The following PALM2AKAP2 variants were observed in gnomAD, a reference collection of about 807,000 sequenced individuals.
The protein encoded by PALM2AKAP2 is PALM2 and AKAP2 fusion.
In PALM2AKAP2, 37 loss-of-function variants were observed where a neutral mutation model predicts 71.5. The observed-to-expected ratio is 0.52, with a 90% confidence interval of 0.40 to 0.68. The LOEUF is 0.68. Among genes scored for constraint, PALM2AKAP2 ranks in the 30% least tolerant of loss-of-function variants. The probability of loss-of-function intolerance (pLI) is 0.00; values close to 1 mark genes in which losing one functional copy is unlikely to be tolerated. For missense variants in PALM2AKAP2, 1,224 were observed against 1,191.8 expected, an observed-to-expected ratio of 1.03 and a Z score of -0.40; for synonymous variants, 468 against 478.8, an observed-to-expected ratio of 0.98 and a Z score of 0.29.
chr9:109,655,699 G>A (rs954938987), intron 1 of PALM2AKAP2, among the ~76,000 whole-genome samples: 4 of 151,160 alleles, frequency 2.6e-5, no homozygotes, highest in Admixed American at 6.6e-5. Flanking sequence ...TTATTCTTTT[G>A]TGTCTGGATA....
At chr9:109,805,606 A>G (rs190886034) in intron 1 of PALM2AKAP2, among the ~76,000 whole-genome samples, 4 of 152,314 alleles carry the variant, frequency 2.6e-5, no homozygotes, top group Admixed American at 2.6e-4. Context: ...GCAGCTGTCA[A>G]TGCAAGATAA....
chr9:110,080,107 G>A (rs1834416600), intron 1 of PALM2AKAP2, among the ~76,000 whole-genome samples: 1 of 148,910 alleles, frequency 6.7e-6, no homozygotes, highest in African/African-American at 2.5e-5. Context: ...AGAAGATTAA[G>A]GATCCCTATC....
chr9:109,709,273 C>A (rs1242118627), intron 1 of PALM2AKAP2, among the ~76,000 whole-genome samples: 2 of 152,220 alleles, frequency 1.3e-5, no homozygotes, highest in East Asian at 3.9e-4. Flanking sequence ...GTCAAATCCC[C>A]TTGTAAGGCC....
chr9:109,710,240 G>A (rs956112424), intron 1 of PALM2AKAP2, among the ~76,000 whole-genome samples: 1 of 152,218 alleles, frequency 6.6e-6, no homozygotes, highest in Admixed American at 6.5e-5. Context: ...TGGTCAGTTT[G>A]TGGTAATTTG....
chr9:110,039,740 G>A (rs754256131), intron 7 of PALM2AKAP2, among the ~76,000 whole-genome samples: 3 of 152,128 alleles, frequency 2.0e-5, no homozygotes, highest in Non-Finnish European at 4.4e-5. Context: ...CACAGTTCTC[G>A]TCTAGGTGCT....
intron 1 of PALM2AKAP2, among the ~76,000 whole-genome samples, chr9:109,694,379 C>G (rs900698252): frequency 5.9e-5 from 9 of 151,946 alleles, no homozygotes; most frequent in Non-Finnish European, 1.3e-4. Flanking sequence ...AATACTAACC[C>G]ACTTCATTTG....
intron 1 of PALM2AKAP2, among the ~76,000 whole-genome samples, chr9:109,833,126 G>A (rs1828356195): frequency 6.6e-6 from 1 of 152,174 alleles, no homozygotes; most frequent in African/African-American, 2.4e-5. Flanking sequence ...GGAGGCCGAG[G>A]CAGGTGGATC....
At chr9:109,990,703 C>T (rs1832464210) in intron 6 of PALM2AKAP2, among the ~76,000 whole-genome samples, 2 of 152,244 alleles carry the variant, frequency 1.3e-5, no homozygotes, top group South Asian at 4.1e-4. Flanking sequence ...CAATAGGCAT[C>T]AGACCAAAGC....
chr9:110,091,564 G>C (rs568399261), intron 1 of PALM2AKAP2, among the ~76,000 whole-genome samples: 1 of 145,948 alleles, frequency 6.9e-6, no homozygotes, highest in South Asian at 2.2e-4. Context: ...CCGGGTTCAT[G>C]CCATTCTCCT....
chr9:109,813,749 C>G (rs2131454066), intron 1 of PALM2AKAP2, among the ~76,000 whole-genome samples: 1 of 152,270 alleles, frequency 6.6e-6, no homozygotes. Context: ...TTAGGAAGAA[C>G]TAAGAGCCTA....
At chr9:110,118,630 C>T (rs1835418766) in intron 1 of PALM2AKAP2, among the ~76,000 whole-genome samples, 1 of 152,188 alleles carries the variant, frequency 6.6e-6, no homozygotes, top group Admixed American at 6.5e-5. Context: ...TTAGTGCTTT[C>T]CCACCTGTCT....
intron 1 of PALM2AKAP2, among the ~76,000 whole-genome samples, chr9:109,781,169 C>T (rs1226384315): frequency 6.6e-6 from 1 of 152,164 alleles, no homozygotes; most frequent in African/African-American, 2.4e-5. Context: ...TTTCAGCCTA[C>T]AAAGGAGTAG....
chr9:110,041,457 A>T (rs1833511372), intron 7 of PALM2AKAP2, among the ~76,000 whole-genome samples: 1 of 152,092 alleles, frequency 6.6e-6, no homozygotes, highest in African/African-American at 2.4e-5. Context: ...GGGTTTTGGA[A>T]TGTTTCTTAT....
At chr9:110,102,019 T>TC (rs1835012073) in intron 1 of PALM2AKAP2, among the ~76,000 whole-genome samples, 1 of 152,272 alleles carries the variant, frequency 6.6e-6, no homozygotes, top group African/African-American at 2.4e-5. Flanking sequence ...ACTGTGACAC[T>TC]CCAAGGACCA....
At chr9:110,049,279 G>A (rs1292775833) in intron 1 of PALM2AKAP2, among the ~76,000 whole-genome samples, 1 of 152,302 alleles carries the variant, frequency 6.6e-6, no homozygotes, top group African/African-American at 2.4e-5. Flanking sequence ...GTTCCTTCTA[G>A]CTCGCGAGGA....
upstream of PALM2AKAP2, chr9:110,048,584 C>A: frequency 9.7e-7 from 1 of 1,029,392 alleles, no homozygotes; most frequent in South Asian, 1.8e-5. Flanking sequence ...AGGGGCGGTC[C>A]GTGGGCGCTG....
intron 1 of PALM2AKAP2, among the ~76,000 whole-genome samples, chr9:109,643,247 T>C (rs916211471): frequency 6.6e-6 from 1 of 152,216 alleles, no homozygotes; most frequent in Admixed American, 6.5e-5. Context: ...AGACTCGGCC[T>C]GATGCACACT....
chr9:110,030,260 A>G (rs1405649839), intron 7 of PALM2AKAP2, among the ~76,000 whole-genome samples: 2 of 152,240 alleles, frequency 1.3e-5, no homozygotes, highest in African/African-American at 4.8e-5. Flanking sequence ...GACCTGGGAC[A>G]AAGTCTGTTG....
At chr9:109,861,381 A>T (rs1489917625) in intron 1 of PALM2AKAP2, among the ~76,000 whole-genome samples, 1 of 152,174 alleles carries the variant, frequency 6.6e-6, no homozygotes, top group Admixed American at 6.5e-5. Flanking sequence ...TATTGAACAG[A>T]ATGTGCTTCA....
Sources: allele counts gnomAD v4.1 joint callset (sites outside exome capture counted in the v4.1 genomes callset), GRCh38; gene constraint gnomAD v4.1.1; transcripts MANE v1.5; gene names NCBI Gene and HGNC (gene_info 2026-07-23, HGNC 2026-07-21).